Variants in TASOR2 observed in about 807,000 individuals in gnomAD.
TASOR2 encodes the protein transcription activation suppressor family member 2, also known as protein TASOR 2.
Under a neutral mutation model 199.5 loss-of-function variants are expected in TASOR2, and 84 were observed. The observed-to-expected ratio is 0.42, with a 90% CI of 0.35 to 0.50. The LOEUF (loss-of-function observed/expected upper bound fraction) is 0.50. TASOR2 is among the 20% of genes least tolerant of loss of function. The pLI is 0.02. For synonymous variants in TASOR2, 1,103 were observed against 1,046.6 expected, an observed-to-expected ratio of 1.05 and a Z score of -1.04; for missense variants, 2,796 against 2,835.9, an observed-to-expected ratio of 0.99 and a Z score of 0.32.
chr10:5,747,488 A>C lies in TASOR2; in HGVS notation c.4067A>C (p.Asn1356Thr), dbSNP rs759845141. The C allele has an allele frequency of 8.7e-6, 14 of 1,614,080 alleles. No homozygotes were observed. In the African/African-American group the frequency reaches 1.7e-4, roughly 20 times the overall value. The change falls in exon 15 of 21, where the codon AAT becomes ACT. Residue 1356 changes from asparagine (N) to threonine (T), a missense_variant. By Grantham distance (65) the Asn-to-Thr change is moderately conservative. This residue lies in a region of TASOR2 where 1,941 missense variants were observed against 1,924.9 expected (regional missense o/e 1.01). Transcript: ENST00000328090. ...TCAGTGTCAGAAGAACCAGTAGAAAATAAGGAGAGAAAGGGGGATAATTTA... is the reference window on the plus strand; with the variant it reads ...TCAGTGTCAGAAGAACCAGTAGAAACTAAGGAGAGAAAGGGGGATAATTTA...
intron 2 of TASOR2, among the ~76,000 whole-genome samples, chr10:5,715,401 C>T (rs1251362362): frequency 2.6e-5 from 4 of 152,104 alleles, no homozygotes; most frequent in African/African-American, 9.7e-5. Flanking sequence ...TCTCTACCAT[C>T]TCTGCTCTAG....
At chr10:5,763,734 A>AAAAT (rs1840218956) in exon 21 of TASOR2, 1 of 152,238 alleles carries the variant, frequency 6.6e-6, no homozygotes, top group Admixed American at 6.5e-5. Context: ...AAGACAACTA[A>AAAAT]AAATAATCTC....
intron 2 of TASOR2, among the ~76,000 whole-genome samples, chr10:5,715,232 TTAA>T (rs752646635): frequency 0.039 from 3,449 of 87,854 alleles, 61 homozygotes; most frequent in South Asian, 0.057. Flanking sequence ...TTTTTTTTTT[TTAA>T]AAAAAAACTG....
intron 1 of TASOR2, among the ~76,000 whole-genome samples, chr10:5,707,203 GAAAGGAGCTTTAGAAAGGCAATTATAACT>G (rs1838744591): frequency 6.6e-6 from 1 of 152,176 alleles, no homozygotes; most frequent in African/African-American, 2.4e-5. Context: ...AGTCACAACT[GAAAGGAGCTTTAGAAAGGCAATTATAACT>G]AAAGGAGGCC....
At chr10:5,702,463 A>G (rs1476712575) in intron 1 of TASOR2, among the ~76,000 whole-genome samples, 1 of 152,100 alleles carries the variant, frequency 6.6e-6, no homozygotes, top group Non-Finnish European at 1.5e-5. Flanking sequence ...ACCTTGTAGA[A>G]TGAGTTTGGA....
intron 6 of TASOR2, 49 bp downstream of exon 7, chr10:5,721,019 T>TG: frequency 2.7e-6 from 4 of 1,499,082 alleles, no homozygotes; most frequent in Non-Finnish European, 2.7e-6. Context: ...TTACAAGTTT[T>TG]GGGGTTTTTT....
At chr10:5,697,253 T>C (rs1837274640) in intron 1 of TASOR2, among the ~76,000 whole-genome samples, 1 of 151,396 alleles carries the variant, frequency 6.6e-6, no homozygotes, top group Non-Finnish European at 1.5e-5. Context: ...AGGTGCTAGC[T>C]CTTAAACTGC....
Position 5,749,793 on chromosome 10 carries a change from T to C in TASOR2, c.6372T>C (p.Asn2124=), listed in dbSNP as rs775336824. 6 of 1,614,008 alleles carry C rather than the reference T, an allele frequency of 3.7e-6. No individual in the cohort carries two copies. In the Admixed American group the frequency reaches 8.3e-5, roughly 22 times the overall value. The change falls in exon 15 of 21, where the codon AAT becomes AAC. Residue 2124 remains asparagine, a synonymous_variant. Coordinates refer to ENST00000328090, the Ensembl canonical transcript of TASOR2. ...CTGAATTCAACAAGGTGATGAAGAA[T>C]AGCAACCAATTCATTTTCCAAGACA...
At chr10:5,756,392 T>C (rs888344260) in intron 15 of TASOR2, among the ~76,000 whole-genome samples, 1 of 152,206 alleles carries the variant, frequency 6.6e-6, no homozygotes, top group African/African-American at 2.4e-5. Context: ...AAATCAGCCT[T>C]TGATACTTTA....
chr10:5,718,785 G>T (rs1392608236), intron 3 of TASOR2, among the ~76,000 whole-genome samples: 1 of 151,650 alleles, frequency 6.6e-6, no homozygotes, highest in Non-Finnish European at 1.5e-5. Context: ...AAAAGTGGTG[G>T]GGGAGTAACA....
chr10:5,751,063 A>G lies in TASOR2; in HGVS notation c.6606+1036A>G, dbSNP rs1389988672. Among the ~76,000 whole-genome samples, 1 of 152,218 alleles carries G rather than the reference A, an allele frequency of 6.6e-6. No individual in the cohort carries two copies. Among genetic ancestry groups the G allele is most frequent in the Non-Finnish European group, 1.5e-5 (1 of 68,040 alleles). On this transcript the variant is annotated intron_variant, in intron 15 of 20. Coordinates refer to ENST00000328090, the Ensembl canonical transcript of TASOR2. The surrounding 1 kb of genome is among the most constrained non-coding windows in gnomAD (Gnocchi z 5.3). ...TTTTAGATGAGAATACTCAGATATC[A>G]TGTAGTGCTCTTGTCAGTGCATTCA...
intron 1 of TASOR2, among the ~76,000 whole-genome samples, chr10:5,686,073 C>G (rs1423393944): frequency 6.6e-6 from 1 of 152,228 alleles, no homozygotes; most frequent in South Asian, 2.1e-4. Flanking sequence ...CAAGAATACC[C>G]TTCTGTCGAA....
rs752884551 is a variant in TASOR2, at chr10:5,754,770, G to A, written c.6607-1843G>A. On this transcript the variant is annotated intron_variant, in intron 15 of 20. Transcript: ENST00000328090. The surrounding 1 kb of genome is among the most constrained non-coding windows in gnomAD (Gnocchi z 4.3). ...ACTGAGAAAGTGGACACGGCCGGGC[G>A]CGGTGGCTCACGCCTGTAATCCCAG... is the stretch of plus-strand genomic sequence containing the variant. 2.0e-5 allele frequency among the ~76,000 whole-genome samples: 3 copies of A among 152,062 alleles called. No homozygotes were observed. Among genetic ancestry groups the A allele is most frequent in the Admixed American group, 6.5e-5 (1 of 15,274 alleles).
At chr10:5,756,000 A>T (rs1838884402) in intron 15 of TASOR2, among the ~76,000 whole-genome samples, 1 of 152,110 alleles carries the variant, frequency 6.6e-6, no homozygotes, top group African/African-American at 2.4e-5. Context: ...TCAAAAAAAA[A>T]AGCAAAGAAA....
At chr10:5,726,135 CT>C (rs1834030869) in intron 8 of TASOR2, among the ~76,000 whole-genome samples, 1 of 151,968 alleles carries the variant, frequency 6.6e-6, no homozygotes, top group African/African-American at 2.4e-5. Context: ...TGGATTTTAT[CT>C]TTTATGTGTA....
At position 5,740,569 on chromosome 10, in the gene TASOR2, A is replaced by G; in HGVS notation, c.2327+72A>G. On this transcript the variant is annotated intron_variant, in intron 13 of 20. Transcript: ENST00000328090. The surrounding 1 kb of genome is among the most constrained non-coding windows in gnomAD (Gnocchi z 5.3). The stretch of plus-strand genomic sequence containing the variant: ...GAGATGAATGTAGTGAGATGGGGAA[A>G]CTTATGCCAAACTCTGGAGAAGGAG... 1.4e-6 allele frequency: 2 copies of G among 1,472,510 alleles called. No homozygotes were observed. Among genetic ancestry groups the G allele is most frequent in the Non-Finnish European group, 1.8e-6 (2 of 1,090,358 alleles). The allele number at this position is 1,472,510 out of a possible 1,614,324, so 91.2% of individuals were successfully genotyped here. A position where few individuals can be genotyped will look rare whatever the true frequency, so the allele number is the denominator to read the frequency against.
intron 3 of TASOR2, 133 bp downstream of exon 4, chr10:5,717,883 T>A (rs567206353): frequency 2.5e-6 from 1 of 393,452 alleles, no homozygotes; most frequent in East Asian, 3.7e-5. Context: ...AAAGCAAAAC[T>A]ATTTTTCCTT....
chr10:5,754,453 G>T lies in TASOR2; in HGVS notation c.6607-2160G>T, dbSNP rs186451387. 2.6e-5 allele frequency among the ~76,000 whole-genome samples: 4 copies of T among 151,780 alleles called. No homozygotes were observed. Among genetic ancestry groups the T allele is most frequent in the Admixed American group, 6.6e-5 (1 of 15,228 alleles). On this transcript the variant is annotated intron_variant, in intron 15 of 20. Transcript: ENST00000328090. This position sits in a 1 kb window ranked among gnomAD's most constrained non-coding sequence, Gnocchi z 4.3. Reference sequence around the variant, plus strand: ...CGCCCAGGCTGGAGTGCAGTGGCGCGATCTCAGCTCACTGCAGCCTCCGTC... The same window carrying T: ...CGCCCAGGCTGGAGTGCAGTGGCGCTATCTCAGCTCACTGCAGCCTCCGTC...
In TASOR2 at chr10:5,706,738, C is replaced by T. The variant is rs1158025110; in HGVS notation, c.-287-6085C>T. 6.6e-6 allele frequency among the ~76,000 whole-genome samples: 1 copy of T among 152,194 alleles called. No individual in the cohort carries two copies. The highest frequency in any genetic ancestry group is 2.4e-5 in the African/African-American group (1 of 41,440). On this transcript the variant is annotated intron_variant, in intron 1 of 20. Transcript: ENST00000328090. The surrounding 1 kb of genome is among the most constrained non-coding windows in gnomAD (Gnocchi z 4.8). ...GAAACCTAGGCCTAGCACGGTGGCT[C>T]ATGCCTGTAATTCCAGCACTTTGGG...
Sources: allele counts gnomAD v4.1 joint callset (sites outside exome capture counted in the v4.1 genomes callset), GRCh38; gene constraint gnomAD v4.1.1; regional missense constraint gnomAD v4.1.1; non-coding constraint Gnocchi (gnomAD v3.1); transcripts MANE v1.5; gene names NCBI Gene and HGNC (gene_info 2026-07-23, HGNC 2026-07-21).